The following MIS18A variants were observed in gnomAD, a reference collection of about 807,000 sequenced individuals.
MIS18A encodes the protein protein Mis18-alpha.
Under a neutral mutation model 25.0 loss-of-function variants are expected in MIS18A, and 14 were observed. The ratio of observed to expected loss-of-function variants is 0.56; its 90% CI spans 0.37 to 0.88. The LOEUF is 0.88. MIS18A is among the 40% of genes least tolerant of loss of function. The probability of loss-of-function intolerance (pLI) is 0.00; values close to 1 mark genes in which losing one functional copy is unlikely to be tolerated. For missense variants in MIS18A, 292 were observed against 290.8 expected (o/e 1.00, Z -0.03); for synonymous variants, 134 against 118.6 (o/e 1.13, Z -0.84).
the MIS18A span, among the ~76,000 whole-genome samples, chr21:32,217,678 C>T: frequency 2.0e-5 from 3 of 152,120 alleles, no homozygotes; most frequent in Non-Finnish European, 2.9e-5. Context: ...CATGATCCAA[C>T]TGTCAAAAGA....
chr21:32,155,830 T>A, the MIS18A span, among the ~76,000 whole-genome samples: 1 of 152,194 alleles, frequency 6.6e-6, no homozygotes, highest in African/African-American at 2.4e-5. Context: ...TTGCATAAAA[T>A]GCAGCAAGAA....
chr21:32,226,204 A>G, the MIS18A span, among the ~76,000 whole-genome samples: 23 of 137,110 alleles, frequency 1.7e-4, no homozygotes, highest in African/African-American at 3.4e-4. Flanking sequence ...TGGGTGCAGC[A>G]CACCAGCATG....
the MIS18A span, among the ~76,000 whole-genome samples, chr21:32,155,320 A>C: frequency 1.3e-5 from 2 of 151,872 alleles, no homozygotes. Context: ...TGGCCCTTAC[A>C]AATTGTACAT....
In MIS18A at chr21:32,270,393, T is replaced by C. The variant is rs201323383; in HGVS notation, c.524+14A>G. 1 of 1,613,806 alleles carries C rather than the reference T, an allele frequency of 6.2e-7. No homozygotes were observed. The highest frequency in any genetic ancestry group is 8.5e-7 in the Non-Finnish European group (1 of 1,179,888). ...ACACCAGTTGTGAGGTAAACATTTA[T>C]ATATCAAACTTACCTTTCAATGGCT... On this transcript the variant is annotated intron_variant, in intron 3 of 4. Coordinates refer to ENST00000290130, the MANE Select transcript of MIS18A (RefSeq NM_018944.3).
the MIS18A span, among the ~76,000 whole-genome samples, chr21:32,225,848 T>G: frequency 6.7e-5 from 1 of 14,896 alleles, no homozygotes; most frequent in Admixed American, 7.4e-4. Context: ...TATTGTGGCA[T>G]TATTCACAAT....
chr21:32,195,926 G>A, the MIS18A span, among the ~76,000 whole-genome samples: 10,684 of 152,122 alleles, frequency 0.07, 535 homozygotes, highest in South Asian at 0.16. Context: ...AGGCTGAGGT[G>A]GGAGGATCGC....
chr21:32,166,139 G>C, the MIS18A span, among the ~76,000 whole-genome samples: 122,294 of 152,118 alleles, frequency 0.8, 49,440 homozygotes, highest in East Asian at 0.99. Context: ...CAATTTTTAG[G>C]TGAATGTAGT....
At chr21:32,197,420 C>T in the MIS18A span, among the ~76,000 whole-genome samples, 8 of 152,096 alleles carry the variant, frequency 5.3e-5, no homozygotes, top group South Asian at 4.2e-4. Context: ...TTTGAATCTC[C>T]GCATCTGACC....
the MIS18A span, among the ~76,000 whole-genome samples, chr21:32,180,117 C>A: frequency 7.2e-5 from 11 of 152,266 alleles, no homozygotes; most frequent in Admixed American, 5.9e-4. Flanking sequence ...GCAAAGTAAG[C>A]AAAATGTATT....
chr21:32,162,825 A>G, the MIS18A span, among the ~76,000 whole-genome samples: 1 of 151,932 alleles, frequency 6.6e-6, no homozygotes, highest in African/African-American at 2.4e-5. Flanking sequence ...CTGCCTCCAG[A>G]CTCCCTTCTC....
At chr21:32,192,900 T>C in the MIS18A span, among the ~76,000 whole-genome samples, 1 of 152,172 alleles carries the variant, frequency 6.6e-6, no homozygotes, top group Non-Finnish European at 1.5e-5. Flanking sequence ...ACTAAACAGA[T>C]AACTGCATCC....
intron 1 of MIS18A, chr21:32,278,355 T>C: frequency 5.5e-6 from 2 of 363,110 alleles, no homozygotes. Flanking sequence ...TACAGTCTAG[T>C]TGACCATTTG....
the MIS18A span, among the ~76,000 whole-genome samples, chr21:32,211,769 T>C: frequency 2.6e-5 from 4 of 152,140 alleles, no homozygotes; most frequent in African/African-American, 9.7e-5. Context: ...CAAGCTGCAA[T>C]AGCAAAAATA....
At chr21:32,189,292 G>T in the MIS18A span, among the ~76,000 whole-genome samples, 23,026 of 152,040 alleles carry the variant, frequency 0.15, 1,853 homozygotes, top group East Asian at 0.24. Flanking sequence ...ATTTATGTAA[G>T]TTTTGAAACA....
At chr21:32,244,547 G>A in the MIS18A span, among the ~76,000 whole-genome samples, 1 of 152,052 alleles carries the variant, frequency 6.6e-6, no homozygotes, top group Admixed American at 6.6e-5. Flanking sequence ...GATCTGCCTG[G>A]GCAACATAGT....
At chr21:32,243,746 G>A in the MIS18A span, among the ~76,000 whole-genome samples, 1 of 151,950 alleles carries the variant, frequency 6.6e-6, no homozygotes, top group African/African-American at 2.4e-5. Flanking sequence ...GGCCAGGCGC[G>A]GTGGCTCACA....
At chr21:32,233,207 G>C in the MIS18A span, among the ~76,000 whole-genome samples, 1,604 of 152,286 alleles carry the variant, frequency 0.011, 24 homozygotes, top group African/African-American at 0.036. Flanking sequence ...AGTTCAGTGA[G>C]CACCACAGCT....
chr21:32,232,243 A>G, the MIS18A span, among the ~76,000 whole-genome samples: 17 of 152,030 alleles, frequency 1.1e-4, no homozygotes, highest in African/African-American at 4.1e-4. Flanking sequence ...AGATCTATAG[A>G]TATATCTAGA....
Position 32,274,909 on chromosome 21 carries a change from A to C in MIS18A, c.335-13T>G. 1 of 1,600,068 alleles carries C rather than the reference A, an allele frequency of 6.2e-7. No individual in the cohort carries two copies. The highest frequency in any genetic ancestry group is 1.1e-5 in the South Asian group (1 of 90,164). ...TTACAGGAAACACCTAGAAACAGAG[A>C]AAGTAACAATAATTTATTAATGTAG... On this transcript the variant is annotated splice_polypyrimidine_tract_variant and intron_variant, in intron 1 of 4. Transcript: ENST00000290130.
Sources: allele counts gnomAD v4.1 joint callset (sites outside exome capture counted in the v4.1 genomes callset), GRCh38; gene constraint gnomAD v4.1.1; transcripts MANE v1.5; gene names NCBI Gene and HGNC (gene_info 2026-07-23, HGNC 2026-07-21).